Variants in VIPR2 observed in about 807,000 individuals in gnomAD.
VIPR2 encodes vasoactive intestinal peptide receptor 2.
A neutral mutation model predicts 58.0 loss-of-function variants in VIPR2; 48 were observed. The observed-to-expected ratio is 0.83, with a 90% CI of 0.66 to 1.05. The LOEUF is 1.05. Among genes scored for constraint, VIPR2 ranks in the 50% least tolerant of loss-of-function variants. The pLI, the probability that VIPR2 is intolerant of heterozygous loss-of-function variation, is 0.00. For missense variants in VIPR2, 534 were observed against 558.0 expected (o/e 0.96, Z 0.43); for synonymous variants, 243 against 235.2 (o/e 1.03, Z -0.30).
At chr7:159,114,467 C>T (rs1796157077) in intron 2 of VIPR2, among the ~76,000 whole-genome samples, 1 of 152,186 alleles carries the variant, frequency 6.6e-6, no homozygotes, top group South Asian at 2.1e-4. Flanking sequence ...TGGTGGCAAC[C>T]TAGGTTTTCC....
chr7:159,062,675 ATTTACT>A (rs1855769475), intron 4 of VIPR2, among the ~76,000 whole-genome samples: 1 of 67,802 alleles, frequency 1.5e-5, no homozygotes, highest in Admixed American at 1.7e-4. Flanking sequence ...CAGCAGCAAG[ATTTACT>A]GCAGCAAGAT....
intron 6 of VIPR2, among the ~76,000 whole-genome samples, chr7:159,039,026 G>C (rs757780126): frequency 6.6e-6 from 1 of 152,236 alleles, no homozygotes; most frequent in African/African-American, 2.4e-5. Context: ...GAGCCACAGA[G>C]GCAGTGCCAA....
At chr7:159,044,675 T>C (rs989919010) in intron 5 of VIPR2, among the ~76,000 whole-genome samples, 3 of 150,144 alleles carry the variant, frequency 2.0e-5, no homozygotes, top group African/African-American at 7.3e-5. Flanking sequence ...ACAATATTGA[T>C]AAAAGAGATA....
intron 4 of VIPR2, among the ~76,000 whole-genome samples, chr7:159,101,814 CCCG>C (rs58125622): frequency 3.3e-5 from 4 of 121,598 alleles, no homozygotes; most frequent in African/African-American, 1.0e-4. Context: ...AGGCCGTTCC[CCCG>C]ACCGTTCCTG....
At chr7:159,079,881 T>C (rs1856818725) in intron 4 of VIPR2, among the ~76,000 whole-genome samples, 1 of 152,136 alleles carries the variant, frequency 6.6e-6, no homozygotes, top group Non-Finnish European at 1.5e-5. Flanking sequence ...AATGGACAAA[T>C]TCCTCAACAC....
In VIPR2 at chr7:159,058,600, C is replaced by A. The variant is rs763040477; in HGVS notation, c.358-22G>T. The A allele has an allele frequency of 3.9e-6, 6 of 1,553,284 alleles. No homozygotes were observed. In the South Asian group the frequency reaches 6.7e-5, roughly 17 times the overall value. On this transcript the variant is annotated intron_variant, in intron 4 of 12. Coordinates refer to ENST00000262178, the MANE Select transcript of VIPR2 (RefSeq NM_003382.5). ...TGATCTACAAAGAAAGAAAACAGAT[C>A]TGTAAGCTGAGGGTGACCAGCAACA...
intron 4 of VIPR2, among the ~76,000 whole-genome samples, chr7:159,064,472 C>T (rs1253649623): frequency 2.6e-5 from 4 of 151,964 alleles, no homozygotes; most frequent in Non-Finnish European, 1.5e-5. Flanking sequence ...AGGATGATGG[C>T]GGGGTGAAAA....
intron 4 of VIPR2, among the ~76,000 whole-genome samples, chr7:159,102,499 A>G (rs1858359009): frequency 6.6e-6 from 1 of 152,218 alleles, no homozygotes; most frequent in African/African-American, 2.4e-5. Context: ...CAGGAGTTTT[A>G]CCTTCCAATC....
intron 2 of VIPR2, among the ~76,000 whole-genome samples, chr7:159,118,259 C>T (rs1440820329): frequency 1.3e-5 from 2 of 152,192 alleles, no homozygotes; most frequent in African/African-American, 4.8e-5. Context: ...GCTTCTGCCC[C>T]AAACGGTAAC....
At chr7:159,084,290 C>G (rs1857059511) in intron 4 of VIPR2, among the ~76,000 whole-genome samples, 1 of 152,206 alleles carries the variant, frequency 6.6e-6, no homozygotes, top group African/African-American at 2.4e-5. Flanking sequence ...GATGAGAGTG[C>G]TCGGGGCAGG....
Position 159,097,077 on chromosome 7 carries a change from T to A in VIPR2, c.357+6680A>T, listed in dbSNP as rs1439527727. 1.9e-6 allele frequency: 3 copies of A among 1,541,598 alleles called. No homozygotes were observed. Among genetic ancestry groups the A allele is most frequent in the Non-Finnish European group, 1.8e-6 (2 of 1,141,636 alleles). On this transcript the variant is annotated intron_variant, in intron 4 of 12. Coordinates refer to ENST00000262178, the MANE Select transcript of VIPR2 (RefSeq NM_003382.5). This position sits in a 1 kb window ranked among gnomAD's most constrained non-coding sequence, Gnocchi z 5.3. ...GGCTCCTCCTGGCACCCTGGGAGGC[T>A]GGTGTGTCCTTGCAGGGTTGCAGGA...
intron 2 of VIPR2, among the ~76,000 whole-genome samples, chr7:159,141,071 C>A (rs1291420542): frequency 6.6e-6 from 1 of 152,218 alleles, no homozygotes; most frequent in Non-Finnish European, 1.5e-5. Flanking sequence ...ACCCTAAAAG[C>A]CTGTCTCTCC....
chr7:159,109,546 C>T (rs1202548229), intron 3 of VIPR2, among the ~76,000 whole-genome samples: 1 of 152,178 alleles, frequency 6.6e-6, no homozygotes, highest in Non-Finnish European at 1.5e-5. Flanking sequence ...TGCACGTTTC[C>T]CGTGCTTTGG....
intron 2 of VIPR2, among the ~76,000 whole-genome samples, chr7:159,126,485 G>A (rs1266076174): frequency 6.6e-6 from 1 of 152,232 alleles, no homozygotes; most frequent in Non-Finnish European, 1.5e-5. Context: ...AGAGGAAAGA[G>A]CCTTCGGAGG....
chr7:159,067,571 A>G (rs1856162467), intron 4 of VIPR2, among the ~76,000 whole-genome samples: 1 of 152,230 alleles, frequency 6.6e-6, no homozygotes, highest in Non-Finnish European at 1.5e-5. Context: ...GGTATATTAA[A>G]TCTGAAGAAT....
Position 159,058,482 on chromosome 7 carries a change from T to C in VIPR2, c.454A>G (p.Arg152Gly), listed in dbSNP as rs1283738069. The change falls in exon 5 of 13, where the codon AGG (arginine) becomes GGG (glycine). Residue 152 changes from arginine (R) to glycine (G), a missense_variant and splice_region_variant. Arg to Gly is a moderately radical substitution (Grantham distance 125). Coordinates refer to ENST00000262178, the MANE Select transcript of VIPR2 (RefSeq NM_003382.5). Reference sequence around the variant, plus strand: ...GAATTACTAATTTCTGCTCCTTACCTGAAGAGGCACAGAATTATGCTTCCT... The same window carrying C: ...GAATTACTAATTTCTGCTCCTTACCCGAAGAGGCACAGAATTATGCTTCCT... ...ATGSIILCLF[R>G]KLHCTRNYIH... is the part of the protein sequence containing the mutation. 1 of 1,611,778 alleles carries C rather than the reference T, an allele frequency of 6.2e-7. No individual in the cohort carries two copies. Among genetic ancestry groups the C allele is most frequent in the African/African-American group, 1.3e-5 (1 of 74,914 alleles).
intron 5 of VIPR2, among the ~76,000 whole-genome samples, chr7:159,044,429 A>G (rs1207523035): frequency 1.3e-5 from 2 of 152,154 alleles, no homozygotes; most frequent in Non-Finnish European, 2.9e-5. Context: ...TATAAAGCAA[A>G]AAATAATAAT....
chr7:159,135,019 TTTTTTTTTTTTA>T lies in VIPR2; in HGVS notation c.151+7415_151+7426del, dbSNP rs1424288246. On this transcript the variant is annotated intron_variant, in intron 2 of 12. Coordinates refer to ENST00000262178, the MANE Select transcript of VIPR2 (RefSeq NM_003382.5). Reference sequence around the variant, plus strand: ...AATTACAAAAGTTTTTTTTTTTTTTTTTTTTTTTTTTAACATTTTAAGTAATTGGCCTAGAAA... The same window carrying T: ...AATTACAAAAGTTTTTTTTTTTTTTTACATTTTAAGTAATTGGCCTAGAAA... 7.3e-4 allele frequency among the ~76,000 whole-genome samples: 95 copies of T among 130,660 alleles called. 1 individual carries two copies. Among genetic ancestry groups the T allele is most frequent in the African/African-American group, 1.0e-3 (32 of 32,054 alleles). 85.7% of individuals were successfully genotyped at this position (130,660 alleles called of 152,430 possible). A position where few individuals can be genotyped will look rare whatever the true frequency, so the allele number is the denominator to read the frequency against.
intron 1 of VIPR2, chr7:159,144,456 T>A: frequency 6.5e-7 from 1 of 1,542,346 alleles, no homozygotes; most frequent in Non-Finnish European, 8.8e-7. Context: ...CGATCCCGTT[T>A]CCAGCAAACC....
Sources: allele counts gnomAD v4.1 joint callset (sites outside exome capture counted in the v4.1 genomes callset), GRCh38; gene constraint gnomAD v4.1.1; non-coding constraint Gnocchi (gnomAD v3.1); transcripts MANE v1.5; gene names NCBI Gene and HGNC (gene_info 2026-07-23, HGNC 2026-07-21).